The following KCNIP4 variants were observed in gnomAD, a reference collection of about 807,000 sequenced individuals.
The protein encoded by KCNIP4 is Kv channel-interacting protein 4.
In KCNIP4, 12 loss-of-function variants were observed where a neutral mutation model predicts 34.0. The ratio of observed to expected loss-of-function variants is 0.35; its 90% CI spans 0.23 to 0.57. KCNIP4 has a LOEUF of 0.57. Ranked by LOEUF, KCNIP4 falls within the 20% of genes least tolerant of loss-of-function variation. The pLI is 0.83. For missense variants in KCNIP4, 238 were observed against 311.7 expected (o/e 0.76, Z 1.78); for synonymous variants, 124 against 102.2 (o/e 1.21, Z -1.29).
At chr4:20,813,441 T>C (rs920347314) in intron 3 of KCNIP4, among the ~76,000 whole-genome samples, 1 of 152,102 alleles carries the variant, frequency 6.6e-6, no homozygotes, top group Non-Finnish European at 1.5e-5. Context: ...AGGATTAGGA[T>C]TGGATAGTGC....
At position 21,141,461 on chromosome 4, in the gene KCNIP4, T is replaced by A. The variant is rs79239980; in HGVS notation, c.62-258752A>T. 7.2e-3 allele frequency among the ~76,000 whole-genome samples: 1,102 copies of A among 152,230 alleles called. 21 individuals carry two copies. The highest frequency in any genetic ancestry group is 0.025 in the African/African-American group (1,041 of 41,572). The stretch of plus-strand genomic sequence containing the variant: ...CTTTTGAATGTTAGTATTTACATAA[T>A]CATCATTTTTTGATATTGTTTGTTC... On this transcript the variant is annotated intron_variant, in intron 1 of 8. Coordinates refer to ENST00000382152, the MANE Select transcript of KCNIP4 (RefSeq NM_025221.6).
intron 1 of KCNIP4, among the ~76,000 whole-genome samples, chr4:21,481,241 T>A (rs961284671): frequency 6.6e-6 from 1 of 152,166 alleles, no homozygotes; most frequent in African/African-American, 2.4e-5. Context: ...GAAAAAGATA[T>A]GACCACAAGG....
intron 1 of KCNIP4, among the ~76,000 whole-genome samples, chr4:21,619,698 A>C (rs1293061274): frequency 6.6e-6 from 1 of 152,210 alleles, no homozygotes; most frequent in East Asian, 1.9e-4. Flanking sequence ...TTTTTCATTC[A>C]TCATCTATTC....
At chr4:21,228,907 C>T (rs1758599491) in intron 1 of KCNIP4, among the ~76,000 whole-genome samples, 1 of 152,202 alleles carries the variant, frequency 6.6e-6, no homozygotes, top group South Asian at 2.1e-4. Context: ...GCTCTTCACA[C>T]AAAGGCAGAT....
rs1349372976 is a variant in KCNIP4 at position 20,801,665 on chromosome 4, C to T, written c.289-42775G>A. ...TTTTATGTAAGCCTCATGGTAACTG[C>T]AAAACAAAAAACATGGCAGATATAC... On this transcript the variant is annotated intron_variant, in intron 3 of 8. Coordinates refer to ENST00000382152, the MANE Select transcript of KCNIP4 (RefSeq NM_025221.6). 4.0e-5 allele frequency among the ~76,000 whole-genome samples: 6 copies of T among 151,394 alleles called. No individual in the cohort carries two copies. In the East Asian group the frequency reaches 9.7e-4, roughly 24 times the overall value.
chr4:21,869,759 TAGATAGATAGATAGATAGATAGATAGAC>T (rs1725657264), intron 1 of KCNIP4, among the ~76,000 whole-genome samples: 1 of 150,036 alleles, frequency 6.7e-6, no homozygotes, highest in African/African-American at 2.5e-5. Context: ...GATAGATAGA[TAGATAGATAGATAGATAGATAGATAGAC>T]AGACAGACAG....
intron 2 of KCNIP4, among the ~76,000 whole-genome samples, chr4:20,881,385 G>A (rs1429253019): frequency 6.6e-6 from 1 of 151,932 alleles, no homozygotes; most frequent in Non-Finnish European, 1.5e-5. Flanking sequence ...AGTATAAAAA[G>A]CGAGTAGGTG....
Position 21,025,473 on chromosome 4 carries a change from T to TGAGAGAGAGAGAGA in KCNIP4, c.62-142778_62-142765dup, listed in dbSNP as rs33926876. Among the ~76,000 whole-genome samples, 35 of 95,126 alleles carry TGAGAGAGAGAGAGA rather than the reference T, an allele frequency of 3.7e-4. 1 individual carries two copies. In the South Asian group the frequency reaches 4.6e-3, roughly 12 times the overall value. The allele number at this position is 95,126 out of a possible 152,430, so 62.4% of individuals were successfully genotyped here. A position where few individuals can be genotyped will look rare whatever the true frequency, so the allele number is the denominator to read the frequency against. The stretch of plus-strand genomic sequence containing the variant: ...TTATGGTGCATGTAGTGAAAACAAC[T>TGAGAGAGAGAGAGA]GAGAGAGAGAGAGAGAGAGAGAGAG... On this transcript the variant is annotated intron_variant, in intron 1 of 8. Transcript: ENST00000382152.
intron 3 of KCNIP4, among the ~76,000 whole-genome samples, chr4:20,825,778 G>A (rs1717685546): frequency 6.6e-6 from 1 of 152,158 alleles, no homozygotes; most frequent in Admixed American, 6.6e-5. Flanking sequence ...AGAATAATTG[G>A]TCAAGAACAG....
intron 2 of KCNIP4, among the ~76,000 whole-genome samples, chr4:20,858,947 T>C (rs1190807907): frequency 6.6e-6 from 1 of 152,182 alleles, no homozygotes; most frequent in Non-Finnish European, 1.5e-5. Flanking sequence ...CCCTGGCTTT[T>C]TAACACCAAA....
rs538126648 is a variant in KCNIP4 at position 20,756,771 on chromosome 4, A to G, written c.358+2050T>C. On this transcript the variant is annotated intron_variant, in intron 4 of 8. Transcript: ENST00000382152. ...TTACCTTACTGGACTTCATCATTTCATTTCTGAACTATCTATCTCTCTTGT... is the reference window on the plus strand; with the variant it reads ...TTACCTTACTGGACTTCATCATTTCGTTTCTGAACTATCTATCTCTCTTGT... Among the ~76,000 whole-genome samples the G allele has an allele frequency of 2.0e-5, 3 of 151,942 alleles. 1 individual carries two copies. In the South Asian group the frequency reaches 6.2e-4, roughly 32 times the overall value.
intron 1 of KCNIP4, among the ~76,000 whole-genome samples, chr4:21,668,694 T>C (rs1381818934): frequency 6.6e-6 from 1 of 152,192 alleles, no homozygotes; most frequent in East Asian, 1.9e-4. Flanking sequence ...CACAAAAGTA[T>C]TCAAATATTT....
intron 1 of KCNIP4, among the ~76,000 whole-genome samples, chr4:21,281,033 C>T (rs1026125329): frequency 1.3e-5 from 2 of 151,826 alleles, no homozygotes; most frequent in African/African-American, 4.8e-5. Flanking sequence ...ACGCTTTATC[C>T]TCTCTATAAT....
chr4:20,803,962 C>G (rs59002224), intron 3 of KCNIP4, among the ~76,000 whole-genome samples: 4,629 of 152,148 alleles, frequency 0.03, 199 homozygotes, highest in African/African-American at 0.095. Flanking sequence ...ATATCTAAGC[C>G]TTATCTATAA....
chr4:20,732,844 G>A, intron 6 of KCNIP4, 59 bp from the exon 7 acceptor site: 1 of 1,040,456 alleles, frequency 9.6e-7, no homozygotes, highest in African/African-American at 1.6e-5. Context: ...ACCAGTCTAA[G>A]AAGCTCTGAC....
intron 1 of KCNIP4, among the ~76,000 whole-genome samples, chr4:21,281,776 A>G (rs1762790932): frequency 6.6e-6 from 1 of 152,186 alleles, no homozygotes; most frequent in African/African-American, 2.4e-5. Context: ...TGATCTGAAT[A>G]TTGGATTAAG....
At chr4:21,186,872 C>A (rs972875031) in intron 1 of KCNIP4, among the ~76,000 whole-genome samples, 4 of 152,122 alleles carry the variant, frequency 2.6e-5, no homozygotes, top group Non-Finnish European at 5.9e-5. Flanking sequence ...TGATCTTGAA[C>A]TCCTGGGCTC....
chr4:21,088,508 A>G (rs763546971), intron 1 of KCNIP4, among the ~76,000 whole-genome samples: 5 of 152,140 alleles, frequency 3.3e-5, no homozygotes, highest in Non-Finnish European at 7.4e-5. Flanking sequence ...AAAACTTATG[A>G]TATCAATCTC....
chr4:20,834,733 C>T (rs1173959887), intron 3 of KCNIP4, among the ~76,000 whole-genome samples: 1 of 152,162 alleles, frequency 6.6e-6, no homozygotes, highest in East Asian at 1.9e-4. Context: ...GGGAAGGTCA[C>T]CCAAAGGCAA....
Sources: gnomAD v4.1 joint callset for allele counts (sites outside exome capture counted in the v4.1 genomes callset) on GRCh38, gnomAD v4.1.1 for gene constraint, MANE v1.5 for transcripts, NCBI Gene and HGNC (gene_info 2026-07-23, HGNC 2026-07-21) for gene names.